The following TNFSF11 variants were observed in gnomAD, a reference collection of about 807,000 sequenced individuals.
TNFSF11 encodes TNF superfamily member 11.
Under a neutral mutation model 32.2 loss-of-function variants are expected in TNFSF11, and 12 were observed. The ratio of observed to expected loss-of-function variants is 0.37; its 90% CI spans 0.24 to 0.60. TNFSF11 has a LOEUF of 0.60. Among genes scored for constraint, TNFSF11 ranks in the 20% least tolerant of loss-of-function variants. The pLI is 0.66. For missense variants in TNFSF11, 345 were observed against 398.0 expected (o/e 0.87, Z 1.13); for synonymous variants, 172 against 152.1 (o/e 1.13, Z -0.96).
At chr13:42,569,607 TAGAGTC>T (rs1186173640), upstream of TNFSF11, among the ~76,000 whole-genome samples, 1 of 150,414 alleles carries the variant, frequency 6.6e-6, no homozygotes, top group Non-Finnish European at 1.5e-5. Context: ...AGATTAGAGT[TAGAGTC>T]AGAGAGAAGC....
At chr13:42,574,580 ACTTGGAAACTGAGT>A in intron 1 of TNFSF11, 58 bp downstream of exon 1, 1 of 1,568,970 alleles carries the variant, frequency 6.4e-7, no homozygotes, top group East Asian at 2.3e-5. Flanking sequence ...CTTCCCCCGC[ACTTGGAAACTGAGT>A]CTGGCGGCAG....
chr13:42,573,263 C>T (rs545222547), upstream of TNFSF11, among the ~76,000 whole-genome samples: 1 of 151,452 alleles, frequency 6.6e-6, no homozygotes, highest in South Asian at 2.1e-4. Context: ...AAAGTGGAAA[C>T]ATCCTAAGTT....
chr13:42,584,049 T>TA (rs2137874030), intron 2 of TNFSF11, among the ~76,000 whole-genome samples: 1 of 152,266 alleles, frequency 6.6e-6, no homozygotes, highest in South Asian at 2.1e-4. Flanking sequence ...TTAAATGCTC[T>TA]AAAAATAAAC....
intron 1 of TNFSF11, among the ~76,000 whole-genome samples, chr13:42,577,504 AAAAAT>A (rs1873379875): frequency 6.6e-6 from 1 of 152,190 alleles, no homozygotes; most frequent in Non-Finnish European, 1.5e-5. Flanking sequence ...TACAAAGAAA[AAAAAT>A]AAAAACCCTT....
At chr13:42,583,584 C>T (rs1024061294) in intron 2 of TNFSF11, among the ~76,000 whole-genome samples, 4 of 151,854 alleles carry the variant, frequency 2.6e-5, no homozygotes, top group African/African-American at 7.3e-5. Context: ...TGCACTATTT[C>T]TGATGTTTAA....
chr13:42,565,223 TATATA>T (rs1312811671), intron 1 of TNFSF11, among the ~76,000 whole-genome samples: 18 of 18,686 alleles, frequency 9.6e-4, no homozygotes, highest in Admixed American at 4.1e-3. Flanking sequence ...TATATATATA[TATATA>T]TATTTTTTTC....
intron 4 of TNFSF11, among the ~76,000 whole-genome samples, chr13:42,603,937 A>C (rs1005602695): frequency 6.6e-5 from 10 of 152,202 alleles, no homozygotes; most frequent in Non-Finnish European, 1.3e-4. Context: ...AAGTCAATGC[A>C]CAAAAATAGA....
At chr13:42,595,878 C>T (rs1240822030) in intron 2 of TNFSF11, among the ~76,000 whole-genome samples, 1 of 152,116 alleles carries the variant, frequency 6.6e-6, no homozygotes, top group African/African-American at 2.4e-5. Context: ...CCGGCAGTGC[C>T]GTCTGAATGA....
rs142561551 is a variant in TNFSF11 at position 42,563,170 on chromosome 13, C to T, written c.-302+207C>T. Among the ~76,000 whole-genome samples, 458 of 152,318 alleles carry T rather than the reference C, an allele frequency of 3.0e-3. 5 individuals are homozygous for T. Among genetic ancestry groups the T allele is most frequent in the African/African-American group, 0.01 (419 of 41,558 alleles). On this transcript the variant is annotated intron_variant, in intron 1 of 6. Coordinates refer to the TNFSF11 transcript ENST00000358545. ...CTAGTCAAATAAGTCCCCTCCAGTT[C>T]CATCCCACCCACAGCAGGCTCCCCT...
chr13:42,579,319 G>T (rs1873476311), intron 1 of TNFSF11, among the ~76,000 whole-genome samples: 1 of 150,662 alleles, frequency 6.6e-6, no homozygotes, highest in Non-Finnish European at 1.5e-5. Context: ...AAGGAAGGAG[G>T]ATTGCTTGAG....
intron 2 of TNFSF11, among the ~76,000 whole-genome samples, chr13:42,587,426 C>A (rs541309729): frequency 2.0e-5 from 3 of 152,290 alleles, no homozygotes; most frequent in East Asian, 1.9e-4. Context: ...ATTCACTAAA[C>A]CCCATTTAGG....
At chr13:42,591,591 G>A (rs1002797838) in intron 2 of TNFSF11, among the ~76,000 whole-genome samples, 22 of 152,188 alleles carry the variant, frequency 1.4e-4, no homozygotes, top group Non-Finnish European at 2.9e-4. Context: ...TGCTTTGGGT[G>A]TTTTTGCACT....
chr13:42,604,275 C>T (rs2137911657), intron 4 of TNFSF11, among the ~76,000 whole-genome samples: 1 of 152,266 alleles, frequency 6.6e-6, no homozygotes, highest in East Asian at 1.9e-4. Flanking sequence ...AGAGGAATTG[C>T]TTTTACTAGT....
At chr13:42,575,466 G>C (rs561431655) in intron 1 of TNFSF11, among the ~76,000 whole-genome samples, 6 of 152,232 alleles carry the variant, frequency 3.9e-5, no homozygotes, top group South Asian at 2.1e-4. Context: ...GAAGTGGGGG[G>C]CTGACTGTGC....
At chr13:42,601,875 G>T (rs1346335468) in intron 4 of TNFSF11, among the ~76,000 whole-genome samples, 1 of 152,142 alleles carries the variant, frequency 6.6e-6, no homozygotes, top group Non-Finnish European at 1.5e-5. Flanking sequence ...CGCAAATTTT[G>T]CAGACAGGGA....
intron 2 of TNFSF11, 51 bp downstream of exon 2, chr13:42,581,344 A>G (rs970077775): frequency 8.7e-6 from 14 of 1,601,136 alleles, no homozygotes; most frequent in East Asian, 2.2e-5. Context: ...GACTCTACCA[A>G]TACTGAAAAT....
At chr13:42,581,700 C>G (rs1000575826) in intron 2 of TNFSF11, among the ~76,000 whole-genome samples, 2 of 152,076 alleles carry the variant, frequency 1.3e-5, no homozygotes, top group African/African-American at 2.4e-5. Flanking sequence ...AATGGCAGGG[C>G]CCCTTATTCC....
In TNFSF11 at chr13:42,607,904, C is replaced by CA. The variant is rs1869555604; in HGVS notation, c.*992dup. The CA allele has an allele frequency of 6.6e-6, 1 of 152,028 alleles. No homozygotes were observed. Among genetic ancestry groups the CA allele is most frequent in the Non-Finnish European group, 1.5e-5 (1 of 67,878 alleles). 9.4% of individuals were successfully genotyped at this position (152,028 alleles called of 1,614,324 possible). A position where few individuals can be genotyped will look rare whatever the true frequency, so the allele number is the denominator to read the frequency against. ...AGAAAAGTTATTAGTGGTTTATCAG[C>CA]AAAAAAGTCCAATTTTAATTTAGTA... On this transcript the variant is annotated 3_prime_UTR_variant, in exon 5 of 5. Coordinates refer to ENST00000398795, the MANE Select transcript of TNFSF11 (RefSeq NM_003701.4).
chr13:42,576,745 G>A (rs895576981), intron 1 of TNFSF11, among the ~76,000 whole-genome samples: 2 of 152,170 alleles, frequency 1.3e-5, no homozygotes, highest in African/African-American at 4.8e-5. Flanking sequence ...ACCCAAAGGA[G>A]TCCTAATCAT....
Sources: allele counts gnomAD v4.1 joint callset (sites outside exome capture counted in the v4.1 genomes callset), GRCh38; gene constraint gnomAD v4.1.1; transcripts MANE v1.5; gene names NCBI Gene and HGNC (gene_info 2026-07-23, HGNC 2026-07-21).